HSPG2: variants seen among roughly 807,000 people sequenced by gnomAD.
The protein encoded by HSPG2 is basement membrane-specific heparan sulfate proteoglycan core protein.
Under a neutral mutation model 526.6 loss-of-function variants are expected in HSPG2, and 278 were observed. The observed-to-expected ratio is 0.53, with a 90% confidence interval of 0.48 to 0.58. The LOEUF is 0.58. HSPG2 is among the 20% of genes least tolerant of loss of function. The pLI is 0.00. For missense variants in HSPG2, 5,354 were observed against 6,099.5 expected (o/e 0.88, Z 4.07); for synonymous variants, 2,465 against 2,555.4 (o/e 0.96, Z 1.07).
chr1:21,829,031 T>TGCCAGCGGCCCAGG lies in HSPG2; in HGVS notation c.12027_12040dup (p.His4014ProfsTer21). ...GTTGAGACGCTCTGCAGACACACGG[T>TGCCAGCGGCCCAGG]GCCAGCGGCCCAGGGCCAGCGGCTC... On this transcript the variant is annotated frameshift_variant, in exon 88 of 97. Coordinates refer to ENST00000374695, the MANE Select transcript of HSPG2 (RefSeq NM_005529.7). LOFTEE classifies it high-confidence loss of function. 6.4e-7 allele frequency: 1 copy of TGCCAGCGGCCCAGG among 1,551,128 alleles called. No homozygotes were observed. The highest frequency in any genetic ancestry group is 8.7e-7 in the Non-Finnish European group (1 of 1,148,610).
intron 1 of HSPG2, among the ~76,000 whole-genome samples, chr1:21,909,333 G>C (rs1643542523): frequency 6.6e-6 from 1 of 152,186 alleles, no homozygotes; most frequent in African/African-American, 2.4e-5. Flanking sequence ...GCAGGCAGAT[G>C]GAGCCTGGAG....
chr1:21,843,261 G>A (rs1265874317), intron 66 of HSPG2, 36 bp downstream of exon 66: 1 of 1,613,336 alleles, frequency 6.2e-7, no homozygotes, highest in Non-Finnish European at 8.5e-7. Context: ...CCCCGCGCCT[G>A]TGCTCTGGCA....
At chr1:21,935,346 CTGTT>C (rs760082088) in intron 1 of HSPG2, among the ~76,000 whole-genome samples, 58 of 152,180 alleles carry the variant, frequency 3.8e-4, no homozygotes, top group Non-Finnish European at 7.5e-4. Context: ...TTGGAGCTGC[CTGTT>C]TATTTGTCTA....
In HSPG2 at chr1:21,887,260, C is replaced by T. The variant is rs755218466; in HGVS notation, c.1033G>A (p.Asp345Asn). 5.6e-6 allele frequency: 9 copies of T among 1,613,988 alleles called. No homozygotes were observed. The highest frequency in any genetic ancestry group is 4.5e-5 in the East Asian group (2 of 44,884). ...CGGTCCTCACAGTCAAAGTCACCAT[C>T]GCAGCGCCACAGCTTGAGGGCACAA... ...GHCALKLWRC[D>N]GDFDCEDRTD... The change falls in exon 9 of 97, where the codon GAT (aspartate) becomes AAT (asparagine). Residue 345 changes from aspartate to asparagine, a missense_variant. By Grantham distance (23) the Asp-to-Asn change is conservative. Transcript: ENST00000374695. This position sits in a 1 kb window ranked among gnomAD's most constrained non-coding sequence, Gnocchi z 5.0.
chr1:21,906,993 GC>G (rs779124993), intron 1 of HSPG2, among the ~76,000 whole-genome samples: 194 of 152,294 alleles, frequency 1.3e-3, no homozygotes, highest in Non-Finnish European at 2.5e-3. Context: ...CGGGCTGGCG[GC>G]CGGCTAGCTG....
chr1:21,891,329 C>T (rs1187075165), intron 3 of HSPG2, among the ~76,000 whole-genome samples: 2 of 152,252 alleles, frequency 1.3e-5, no homozygotes, highest in Admixed American at 1.3e-4. Flanking sequence ...ATATTGACTG[C>T]ATGTACCACC....
rs778645295 is a variant in HSPG2, at chr1:21,839,402, G to A, written c.9858C>T (p.His3286=). The change falls in exon 73 of 97, where the codon CAC becomes CAT. Residue 3286 remains histidine (H), a synonymous_variant. Transcript: ENST00000374695. The surrounding 1 kb of genome is among the most constrained non-coding windows in gnomAD (Gnocchi z 4.5). The stretch of plus-strand genomic sequence containing the variant: ...CGTGCAGGATGATGGTGGCCTCAGC[G>A]TGCCCAGCAGGGCTAGTGGCATTGC... ...YICNATSPAG[H]AEATIILHVE... The A allele has an allele frequency of 9.9e-6, 16 of 1,613,516 alleles. No individual in the cohort carries two copies. The highest frequency in any genetic ancestry group is 2.2e-5 in the East Asian group (1 of 44,880).
At chr1:21,905,795 G>A (rs1365289429) in intron 1 of HSPG2, among the ~76,000 whole-genome samples, 1 of 152,180 alleles carries the variant, frequency 6.6e-6, no homozygotes, top group Non-Finnish European at 1.5e-5. Context: ...AGGATTACTT[G>A]AGGCCAGGCG....
chr1:21,936,922 C>G (rs1318469072), intron 1 of HSPG2, among the ~76,000 whole-genome samples: 1 of 152,174 alleles, frequency 6.6e-6, no homozygotes, highest in Admixed American at 6.5e-5. Flanking sequence ...CCCACACGGG[C>G]CAGCCCCGCC....
Position 21,878,680 on chromosome 1 carries a change from G to T in HSPG2, c.2472-17C>A. On this transcript the variant is annotated splice_polypyrimidine_tract_variant and intron_variant, in intron 18 of 96. Coordinates refer to ENST00000374695, the MANE Select transcript of HSPG2 (RefSeq NM_005529.7). ...TCTGAGAATCTGCAGGTATCAAGTG[G>T]ACAGGGCATGGGGCAGGGCTGGGGT... 6.2e-7 allele frequency: 1 copy of T among 1,607,926 alleles called. No homozygotes were observed.
chr1:21,932,205 G>A (rs1376855996), intron 1 of HSPG2, among the ~76,000 whole-genome samples: 1 of 152,092 alleles, frequency 6.6e-6, no homozygotes, highest in Non-Finnish European at 1.5e-5. Flanking sequence ...TACTACTTGG[G>A]ACCAGAGTTC....
At position 21,847,325 on chromosome 1, in the gene HSPG2, T is replaced by A. The variant is rs771216321; in HGVS notation, c.8164+29A>T. The stretch of plus-strand genomic sequence containing the variant: ...TCCCCAGGGAACACTGTTGCCTGCA[T>A]CCCTCGTCCCTTTCCTAGGCAGACT... On this transcript the variant is annotated intron_variant, in intron 62 of 96. Coordinates refer to ENST00000374695, the MANE Select transcript of HSPG2 (RefSeq NM_005529.7). The surrounding 1 kb of genome is among the most constrained non-coding windows in gnomAD (Gnocchi z 4.1). 1 of 1,613,500 alleles carries A rather than the reference T, an allele frequency of 6.2e-7. No homozygotes were observed.
chr1:21,925,451 CA>C (rs924153019), intron 1 of HSPG2, among the ~76,000 whole-genome samples: 3 of 152,280 alleles, frequency 2.0e-5, no homozygotes, highest in African/African-American at 7.2e-5. Context: ...AGGCCCCGCT[CA>C]GCAAAACTCA....
intron 67 of HSPG2, 116 bp downstream of exon 67, chr1:21,842,654 A>G: frequency 1.4e-6 from 2 of 1,389,434 alleles, no homozygotes. Context: ...CCGCAAACGT[A>G]TTTTATCCCC....
chr1:21,845,630 T>A (rs1638369681), intron 64 of HSPG2, among the ~76,000 whole-genome samples: 1 of 152,172 alleles, frequency 6.6e-6, no homozygotes, highest in South Asian at 2.1e-4. Context: ...TCTGCCCACC[T>A]CGGCCTCCCA....
In HSPG2 at chr1:21,839,258, C is replaced by A; in HGVS notation, c.9889+113G>T. On this transcript the variant is annotated intron_variant, in intron 73 of 96. Transcript: ENST00000374695. The surrounding 1 kb of genome is among the most constrained non-coding windows in gnomAD (Gnocchi z 4.5). The stretch of plus-strand genomic sequence containing the variant: ...GTCGGGCAGGGCAGGCTCCAGGACC[C>A]TGCAGCGCCTGGAGACCTCTGGATG... The A allele has an allele frequency of 6.9e-7, 1 of 1,457,934 alleles. No individual in the cohort carries two copies. The highest frequency in any genetic ancestry group is 9.5e-7 in the Non-Finnish European group (1 of 1,053,788). 90.3% of individuals were successfully genotyped at this position (1,457,934 alleles called of 1,614,324 possible). A position where few individuals can be genotyped will look rare whatever the true frequency, so the allele number is the denominator to read the frequency against.
intron 1 of HSPG2, among the ~76,000 whole-genome samples, chr1:21,926,318 C>T (rs1644190271): frequency 6.6e-6 from 1 of 152,118 alleles, no homozygotes; most frequent in Non-Finnish European, 1.5e-5. Context: ...ACCTATGTGA[C>T]TGAGGCCACT....
In HSPG2 at chr1:21,885,151, G is replaced by T. The variant is rs776504058; in HGVS notation, c.1217C>A (p.Pro406His). 2 of 1,608,936 alleles carry T rather than the reference G, an allele frequency of 1.2e-6. No homozygotes were observed. The highest frequency in any genetic ancestry group is 1.7e-6 in the Non-Finnish European group (2 of 1,177,492). Reference protein sequence around the residue: ...DRSDEFGCMPPQVVTPPRESI... With the variant: ...DRSDEFGCMPHQVVTPPRESI... ...CTCCCGGGGAGGTGTCACCACCTGG[G>T]GGGGCACTGAGGAGACCAGGGCAGG... The change falls in exon 11 of 97, where the codon CCC (proline) becomes CAC (histidine). Residue 406 changes from proline to histidine, a missense_variant. Transcript: ENST00000374695.
At chr1:21,871,943 CTTA>C (rs371688665) in intron 33 of HSPG2, among the ~76,000 whole-genome samples, 3 of 152,354 alleles carry the variant, frequency 2.0e-5, no homozygotes, top group African/African-American at 7.2e-5. Flanking sequence ...CAGCTGAGCA[CTTA>C]TTATGTGCCA....
Sources: allele counts gnomAD v4.1 joint callset (sites outside exome capture counted in the v4.1 genomes callset), GRCh38; gene constraint gnomAD v4.1.1; non-coding constraint Gnocchi (gnomAD v3.1); transcripts MANE v1.5; gene names NCBI Gene and HGNC (gene_info 2026-07-23, HGNC 2026-07-21).